The following RAD54B variants were observed in gnomAD, a reference collection of about 807,000 sequenced individuals.
RAD54B encodes DNA repair and recombination protein RAD54B.
In RAD54B, 78 loss-of-function variants were observed where a neutral mutation model predicts 95.8. That is an observed-to-expected ratio of 0.81 (90% CI 0.68 to 0.98). RAD54B has a LOEUF of 0.98. Among genes scored for constraint, RAD54B ranks in the 50% least tolerant of loss-of-function variants. The probability of loss-of-function intolerance (pLI) is 0.00; values close to 1 mark genes in which losing one functional copy is unlikely to be tolerated. For missense variants in RAD54B, 957 were observed against 1,056.6 expected, an observed-to-expected ratio of 0.91 and a Z score of 1.31; for synonymous variants, 328 against 354.9, an observed-to-expected ratio of 0.92 and a Z score of 0.85.
At chr8:94,430,676 G>A (rs1214649298) in intron 3 of RAD54B, 2 of 799,710 alleles carry the variant, frequency 2.5e-6, no homozygotes, top group African/African-American at 3.7e-5. Context: ...ATGGCTCAGT[G>A]AGGCCCACTC....
intron 1 of RAD54B, among the ~76,000 whole-genome samples, chr8:94,470,791 T>C (rs1460433024): frequency 6.6e-6 from 1 of 150,814 alleles, no homozygotes; most frequent in East Asian, 1.9e-4. Flanking sequence ...AGAATAATGA[T>C]GCTAGTATCA....
chr8:94,470,357 G>T (rs10087254), intron 1 of RAD54B, among the ~76,000 whole-genome samples: 47,440 of 151,906 alleles, frequency 0.31, 7,878 homozygotes, highest in East Asian at 0.43. Flanking sequence ...CCAGCACTTT[G>T]GGAGGCCAAG....
rs926564861 is a variant in RAD54B, at chr8:94,452,777, C to T, written c.304+5491G>A. Among the ~76,000 whole-genome samples the T allele has an allele frequency of 7.9e-5, 12 of 152,096 alleles. No individual in the cohort carries two copies. The East Asian group carries it at 2.1e-3, about 27-fold the overall frequency. On this transcript the variant is annotated intron_variant, in intron 3 of 14. Coordinates refer to ENST00000336148, the MANE Select transcript of RAD54B (RefSeq NM_012415.3). ...CTCCCAAAGTGCTGGGATTACAGGC[C>T]TGAGCCACCACACCCAGCCTACTAT...
chr8:94,386,242 A>G (rs1018257916), intron 11 of RAD54B, among the ~76,000 whole-genome samples: 1 of 127,190 alleles, frequency 7.9e-6, no homozygotes, highest in African/African-American at 2.8e-5. Context: ...AGTGACTGAC[A>G]CTGTGGGATA....
intron 11 of RAD54B, among the ~76,000 whole-genome samples, chr8:94,382,299 C>A (rs1411161535): frequency 6.6e-6 from 1 of 152,064 alleles, no homozygotes; most frequent in African/African-American, 2.4e-5. Flanking sequence ...AAAAATAGGT[C>A]ATATGCAAAT....
chr8:94,408,042 C>T (rs1417781511), intron 4 of RAD54B, among the ~76,000 whole-genome samples: 1 of 152,132 alleles, frequency 6.6e-6, no homozygotes, highest in Non-Finnish European at 1.5e-5. Context: ...TATGTATCCT[C>T]CTTTCTTGTA....
chr8:94,466,550 G>A (rs964097865), intron 2 of RAD54B, among the ~76,000 whole-genome samples: 4 of 152,034 alleles, frequency 2.6e-5, no homozygotes, highest in African/African-American at 9.7e-5. Flanking sequence ...TGGGATTATA[G>A]GCGCGTGCCA....
intron 3 of RAD54B, among the ~76,000 whole-genome samples, chr8:94,439,524 T>C (rs1042160287): frequency 6.6e-6 from 1 of 152,192 alleles, no homozygotes; most frequent in African/African-American, 2.4e-5. Context: ...TGAGTGACCA[T>C]GGCCAAAGAC....
intron 2 of RAD54B, among the ~76,000 whole-genome samples, chr8:94,465,059 A>G (rs1259284241): frequency 6.6e-6 from 1 of 152,106 alleles, no homozygotes. Flanking sequence ...AACCTCAAAC[A>G]CTGGAGGTCA....
chr8:94,461,775 G>A lies in RAD54B; in HGVS notation c.136-3339C>T, dbSNP rs538916751. On this transcript the variant is annotated intron_variant, in intron 2 of 14. Transcript: ENST00000336148. Reference sequence around the variant, plus strand: ...ACACACGTGAGAGTAAACTGCAGACGCTATGCTCCTTCGCCTCTAAATACT... The same window carrying A: ...ACACACGTGAGAGTAAACTGCAGACACTATGCTCCTTCGCCTCTAAATACT... Among the ~76,000 whole-genome samples the A allele has an allele frequency of 2.4e-3, 358 of 152,176 alleles. 1 individual carries two copies. Among genetic ancestry groups the A allele is most frequent in the Non-Finnish European group, 3.7e-3 (255 of 68,016 alleles).
intron 11 of RAD54B, among the ~76,000 whole-genome samples, chr8:94,384,887 G>C (rs147183262): frequency 6.6e-6 from 1 of 152,132 alleles, no homozygotes; most frequent in Non-Finnish European, 1.5e-5. Flanking sequence ...CAGATTGCTT[G>C]AACTCAGGAG....
intron 5 of RAD54B, 92 bp from the exon 6 acceptor site, chr8:94,404,331 G>A: frequency 8.0e-7 from 1 of 1,254,752 alleles, no homozygotes; most frequent in Non-Finnish European, 1.1e-6. Context: ...AGAAATGTTT[G>A]CCATCATTTG....
chr8:94,413,691 A>C (rs1223291595), intron 3 of RAD54B, among the ~76,000 whole-genome samples: 1 of 152,198 alleles, frequency 6.6e-6, no homozygotes, highest in African/African-American at 2.4e-5. Context: ...AAAAATTATT[A>C]ATCAACTTTT....
intron 3 of RAD54B, among the ~76,000 whole-genome samples, chr8:94,446,811 G>A (rs1812533233): frequency 6.6e-6 from 1 of 152,112 alleles, no homozygotes; most frequent in Admixed American, 6.5e-5. Context: ...TTAGCTAGAT[G>A]GTGGCCACCA....
chr8:94,380,369 T>C lies in RAD54B; in HGVS notation c.2023A>G (p.Ile675Val). Reference protein sequence around the residue: ...LVSNYTQTLNILQEVCKRHGY... With the variant: ...LVSNYTQTLNVLQEVCKRHGY... ...TGACGCTTACATACTTCTTGTAAAA[T>C]GTTCAAGGTTTGTGTATAGTTGGAT... The change falls in exon 12 of 15, where the codon ATT becomes GTT. Residue 675 changes from isoleucine (I) to valine (V), a missense_variant. Ile to Val is a conservative substitution (Grantham distance 29). Transcript: ENST00000336148. 1 of 1,613,638 alleles carries C rather than the reference T, an allele frequency of 6.2e-7. No homozygotes were observed. The highest frequency in any genetic ancestry group is 8.5e-7 in the Non-Finnish European group (1 of 1,179,682).
rs1306374034 is a variant in RAD54B at position 94,463,908 on chromosome 8, A to G, written c.135+3497T>C. ...GACCCTATCTCAAAAAAAAAAAAAA[A>G]AAAAAGAAAGAAAGAAAAAAGAGAG... On this transcript the variant is annotated intron_variant, in intron 2 of 14. Coordinates refer to ENST00000336148, the MANE Select transcript of RAD54B (RefSeq NM_012415.3). Among the ~76,000 whole-genome samples, 33 of 151,012 alleles carry G rather than the reference A, an allele frequency of 2.2e-4. 1 individual carries two copies. The highest frequency in any genetic ancestry group is 4.0e-4 in the Non-Finnish European group (27 of 67,724).
intron 3 of RAD54B, among the ~76,000 whole-genome samples, chr8:94,434,827 T>C (rs117519512): frequency 0.013 from 1,902 of 151,718 alleles, 19 homozygotes; most frequent in Middle Eastern, 0.059. Flanking sequence ...ATTTAAGCCA[T>C]AGGTATAGAA....
Position 94,411,241 on chromosome 8 carries a change from T to C in RAD54B, c.379A>G (p.Ser127Gly), listed in dbSNP as rs762382013. ...TTTGAAGGCTTACACCAAACAACACTGAAATATTTAACTAGGCTATCAGAT... is the reference window on the plus strand; with the variant it reads ...TTTGAAGGCTTACACCAAACAACACCGAAATATTTAACTAGGCTATCAGAT... The part of the protein sequence containing the change: ...EKSDSLVKYF[S>G]VVWCKPSKKK... The change falls in exon 4 of 15, where the codon AGT becomes GGT. Residue 127 changes from serine to glycine, a missense_variant. Physicochemically the swap from Ser to Gly is moderately conservative, Grantham distance 56. Coordinates refer to ENST00000336148, the MANE Select transcript of RAD54B (RefSeq NM_012415.3). The C allele has an allele frequency of 6.2e-7, 1 of 1,611,794 alleles. No homozygotes were observed.
At chr8:94,391,467 A>G (rs1811017311) in intron 10 of RAD54B, 142 bp downstream of exon 10, 1 of 766,248 alleles carries the variant, frequency 1.3e-6, no homozygotes, top group South Asian at 2.4e-5. Flanking sequence ...TAAGCTCTAC[A>G]GCAGAACCAT....
Sources: allele counts gnomAD v4.1 joint callset (sites outside exome capture counted in the v4.1 genomes callset), GRCh38; gene constraint gnomAD v4.1.1; transcripts MANE v1.5; gene names NCBI Gene and HGNC (gene_info 2026-07-23, HGNC 2026-07-21).